ST6GAL1: variants seen among roughly 807,000 people sequenced by gnomAD.
ST6GAL1 encodes beta-galactoside alpha-2,6-sialyltransferase 1.
A neutral mutation model predicts 38.0 loss-of-function variants in ST6GAL1; 20 were observed. The ratio of observed to expected loss-of-function variants is 0.53; its 90% confidence interval spans 0.37 to 0.77. The LOEUF is 0.77. Among genes scored for constraint, ST6GAL1 ranks in the 30% least tolerant of loss-of-function variants. ST6GAL1 has a pLI of 0.00. For missense variants in ST6GAL1, 432 were observed against 496.4 expected, an observed-to-expected ratio of 0.87 and a Z score of 1.23; for synonymous variants, 196 against 188.2, an observed-to-expected ratio of 1.04 and a Z score of -0.34.
intron 2 of ST6GAL1, among the ~76,000 whole-genome samples, chr3:186,988,213 A>G (rs1012610704): frequency 1.3e-5 from 2 of 152,216 alleles, no homozygotes; most frequent in South Asian, 2.1e-4. Flanking sequence ...CTGTTCTCAT[A>G]GACGACATGG....
At chr3:186,994,847 A>G (rs1284110209) in intron 2 of ST6GAL1, among the ~76,000 whole-genome samples, 2 of 151,810 alleles carry the variant, frequency 1.3e-5, no homozygotes, top group Non-Finnish European at 2.9e-5. Context: ...AAGCTGAGGC[A>G]GGGGAATCGC....
intron 3 of ST6GAL1, among the ~76,000 whole-genome samples, chr3:187,040,169 C>A (rs1449441836): frequency 6.6e-6 from 1 of 152,212 alleles, no homozygotes; most frequent in African/African-American, 2.4e-5. Context: ...CCTCACTATA[C>A]TCAGCTATAA....
intron 2 of ST6GAL1, among the ~76,000 whole-genome samples, chr3:186,982,695 C>G (rs1336978412): frequency 6.6e-6 from 1 of 151,886 alleles, no homozygotes; most frequent in Non-Finnish European, 1.5e-5. Context: ...TGTCTTATTT[C>G]TTCGAGAAGG....
At chr3:187,061,449 G>T (rs1170091329) in intron 5 of ST6GAL1, among the ~76,000 whole-genome samples, 1 of 151,972 alleles carries the variant, frequency 6.6e-6, no homozygotes, top group African/African-American at 2.4e-5. Flanking sequence ...AATAAAGCTG[G>T]AGTTCTCTCA....
intron 1 of ST6GAL1, among the ~76,000 whole-genome samples, chr3:186,941,221 C>G (rs550447134): frequency 2.0e-5 from 3 of 152,088 alleles, no homozygotes; most frequent in Non-Finnish European, 4.4e-5. Context: ...AACAGGACCT[C>G]GTGGGAGAAC....
At chr3:187,022,431 CAGTAGCTG>C in intron 2 of ST6GAL1, among the ~76,000 whole-genome samples, 1 of 152,126 alleles carries the variant, frequency 6.6e-6, no homozygotes, top group East Asian at 1.9e-4. Context: ...CTTTAGCTAA[CAGTAGCTG>C]AGAGAGTCAA....
At chr3:187,006,995 T>TA (rs1253522591) in intron 2 of ST6GAL1, among the ~76,000 whole-genome samples, 1 of 152,198 alleles carries the variant, frequency 6.6e-6, no homozygotes, top group Non-Finnish European at 1.5e-5. Flanking sequence ...GATGAGTTGC[T>TA]AGTACAGCCA....
In ST6GAL1 at chr3:187,043,299, G is replaced by C; in HGVS notation, c.596G>C (p.Gly199Ala). The C allele has an allele frequency of 6.2e-7, 1 of 1,613,394 alleles. No homozygotes were observed. The highest frequency in any genetic ancestry group is 8.5e-7 in the Non-Finnish European group (1 of 1,179,720). ...SAGSLKSSQL[G>A]REIDDHDAVL... Reference sequence around the variant, plus strand: ...GGATCTCTGAAGTCCTCCCAACTAGGCAGAGAAATCGGTATGTTCTGGGGT... The same window carrying C: ...GGATCTCTGAAGTCCTCCCAACTAGCCAGAGAAATCGGTATGTTCTGGGGT... The change falls in exon 4 of 8, where the codon GGC becomes GCC. Residue 199 changes from glycine to alanine, a missense_variant. Physicochemically the swap from Gly to Ala is moderately conservative, Grantham distance 60 (BLOSUM62 0). Transcript: ENST00000169298.
At chr3:186,991,837 C>A (rs912823612) in intron 2 of ST6GAL1, among the ~76,000 whole-genome samples, 6 of 152,162 alleles carry the variant, frequency 3.9e-5, no homozygotes, top group Admixed American at 3.9e-4. Context: ...CAGAGCTTGA[C>A]TCTGCTCACC....
intron 1 of ST6GAL1, among the ~76,000 whole-genome samples, chr3:186,940,035 G>A (rs1004638665): frequency 6.6e-6 from 1 of 152,190 alleles, no homozygotes. Context: ...AAGTCGATCC[G>A]ATTTAGTAAT....
At chr3:186,945,834 C>CA (rs1714340748) in intron 1 of ST6GAL1, among the ~76,000 whole-genome samples, 1 of 148,758 alleles carries the variant, frequency 6.7e-6, no homozygotes, top group Non-Finnish European at 1.5e-5. Flanking sequence ...AAAAAAAATA[C>CA]AAAAAAATTA....
At chr3:186,989,386 G>A (rs1716073270) in intron 2 of ST6GAL1, among the ~76,000 whole-genome samples, 1 of 152,180 alleles carries the variant, frequency 6.6e-6, no homozygotes, top group Non-Finnish European at 1.5e-5. Flanking sequence ...TTAATATTTT[G>A]CTCTCTGCAG....
rs942132044 is a variant in ST6GAL1 at position 187,008,571 on chromosome 3, A to T, written c.-182-30171A>T. Among the ~76,000 whole-genome samples the T allele has an allele frequency of 2.6e-5, 4 of 152,306 alleles. No individual in the cohort carries two copies. In the South Asian group the frequency reaches 8.3e-4, roughly 32 times the overall value. ...AGCAAAATAGAGATATTTTCAGGTG[A>T]TGGAAAACCAAGAGGCTTCATTTCC... is the stretch of plus-strand genomic sequence containing the variant. On this transcript the variant is annotated intron_variant, in intron 2 of 7. Coordinates refer to ENST00000169298, the MANE Select transcript of ST6GAL1 (RefSeq NM_173216.2).
rs191761659 is a variant in ST6GAL1, at chr3:187,062,333, G to A, written c.706-10516G>A. On this transcript the variant is annotated intron_variant, in intron 5 of 7. Transcript: ENST00000169298. ...TAATCTAATAATCTTATTTATTGGC[G>A]TATATGTACAGAAATTGAAAGAAGG... Among the ~76,000 whole-genome samples the A allele has an allele frequency of 1.3e-3, 201 of 152,150 alleles. 2 individuals carry two copies. Among genetic ancestry groups the A allele is most frequent in the Non-Finnish European group, 2.2e-3 (150 of 68,010 alleles).
In ST6GAL1 at chr3:187,073,015, A is replaced by T. The variant is rs188925080; in HGVS notation, c.804+68A>T. 38 of 1,293,388 alleles carry T rather than the reference A, an allele frequency of 2.9e-5. No homozygotes were observed. In the African/African-American group the frequency reaches 5.1e-4, roughly 18 times the overall value. 80.1% of individuals were successfully genotyped at this position (1,293,388 alleles called of 1,614,324 possible). A position where few individuals can be genotyped will look rare whatever the true frequency, so the allele number is the denominator to read the frequency against. On this transcript the variant is annotated intron_variant, in intron 6 of 7. Transcript: ENST00000169298. ...TGTCTACAGATTTTCCTGATTTCCTAGGTTTTTAAAGTCATGGCTGACATT... is the reference window on the plus strand; with the variant it reads ...TGTCTACAGATTTTCCTGATTTCCTTGGTTTTTAAAGTCATGGCTGACATT...
intron 2 of ST6GAL1, among the ~76,000 whole-genome samples, chr3:186,978,485 A>T (rs1313214236): frequency 6.6e-6 from 1 of 152,116 alleles, no homozygotes; most frequent in Non-Finnish European, 1.5e-5. Flanking sequence ...ACTTGACCAG[A>T]GTTCACTATC....
intron 1 of ST6GAL1, among the ~76,000 whole-genome samples, chr3:186,959,389 C>T (rs940476209): frequency 7.9e-5 from 12 of 152,090 alleles, no homozygotes; most frequent in Non-Finnish European, 1.8e-4. Context: ...GCTTTGTGCC[C>T]GTGCTGTCAC....
chr3:187,042,927 G>A lies in ST6GAL1; in HGVS notation c.224G>A (p.Arg75His), dbSNP rs558830065. The A allele has an allele frequency of 4.0e-5, 64 of 1,614,048 alleles. No homozygotes were observed. Among genetic ancestry groups the A allele is most frequent in the Admixed American group, 2.3e-4 (14 of 60,002 alleles). ...AGCACCCAGGACCCCCACAGGGGCCGCCAGACCCTCGGCAGTCTCAGAGGC... is the reference window on the plus strand; with the variant it reads ...AGCACCCAGGACCCCCACAGGGGCCACCAGACCCTCGGCAGTCTCAGAGGC... ...SSSTQDPHRG[R>H]QTLGSLRGLA... The change falls in exon 4 of 8, where the codon CGC becomes CAC. Residue 75 changes from arginine to histidine, a missense_variant. By Grantham distance (29) the Arg-to-His change is conservative (BLOSUM62 0). Transcript: ENST00000169298.
At chr3:187,020,556 G>A (rs1034879526) in intron 2 of ST6GAL1, among the ~76,000 whole-genome samples, 1 of 152,152 alleles carries the variant, frequency 6.6e-6, no homozygotes, top group South Asian at 2.1e-4. Context: ...TCAGATGAAA[G>A]CCAAAACCCC....
Sources: gnomAD v4.1 joint callset for allele counts (sites outside exome capture counted in the v4.1 genomes callset) on GRCh38, gnomAD v4.1.1 for gene constraint, MANE v1.5 for transcripts, NCBI Gene and HGNC (gene_info 2026-07-23, HGNC 2026-07-21) for gene names.